The following CCAR2 variants were observed in gnomAD, a reference collection of about 807,000 sequenced individuals.
The protein encoded by CCAR2 is cell cycle and apoptosis regulator 2.
CCAR2 carries 21 observed loss-of-function variants against 108.1 expected under a neutral mutation model. That is an observed-to-expected ratio of 0.19 (90% confidence interval 0.14 to 0.28). The LOEUF is 0.28. Among genes scored for constraint, CCAR2 ranks in the 10% least tolerant of loss-of-function variants. The pLI is 1.00. For synonymous variants in CCAR2, 577 were observed against 472.8 expected (o/e 1.22, Z -2.86); for missense variants, 1,126 against 1,177.0 (o/e 0.96, Z 0.63).
At chr8:22,606,453 T>G in intron 3 of CCAR2, 154 bp from the exon 4 acceptor site, 1 of 662,554 alleles carries the variant, frequency 1.5e-6, no homozygotes, top group South Asian at 1.8e-5. Context: ...CCCCTAATGA[T>G]GGAGTATGCC....
Position 22,617,509 on chromosome 8 carries a change from G to C in CCAR2, c.1935G>C (p.Glu645Asp), listed in dbSNP as rs1801572600. 1.9e-6 allele frequency: 3 copies of C among 1,607,558 alleles called. No individual in the cohort carries two copies. Among genetic ancestry groups the C allele is most frequent in the Non-Finnish European group, 2.5e-6 (3 of 1,176,688 alleles). The change falls in exon 15 of 21, where the codon GAG becomes GAC. Residue 645 changes from glutamate to aspartate, a missense_variant. By Grantham distance (45) the Glu-to-Asp change is conservative. Coordinates refer to ENST00000308511, the MANE Select transcript of CCAR2 (RefSeq NM_001393997.1). Reference sequence around the variant, plus strand: ...GCGAGGCTTCTGAGGACCTGTGTGAGATGGCCCTGGACCCAGAACTGTTGC... The same window carrying C: ...GCGAGGCTTCTGAGGACCTGTGTGACATGGCCCTGGACCCAGAACTGTTGC... ...PRGEASEDLC[E>D]MALDPELLLL...
At chr8:22,605,654 C>A in intron 1 of CCAR2, 82 bp from the exon 2 acceptor site, 1 of 793,874 alleles carries the variant, frequency 1.3e-6, no homozygotes, top group South Asian at 1.6e-5. Context: ...CCGAAATATC[C>A]TTACTTAAGA....
chr8:22,605,818 A>C lies in CCAR2; in HGVS notation c.45A>C (p.Gly15=). 4 of 1,613,842 alleles carry C rather than the reference A, an allele frequency of 2.5e-6. No homozygotes were observed. Among genetic ancestry groups the C allele is most frequent in the Non-Finnish European group, 3.4e-6 (4 of 1,179,902 alleles). ...AGCGGATCAACCCGCTTCCAGGGGG[A>C]CGCAACTTCTCAGGTGATCACTGTT... The part of the protein sequence containing the change: ...KRQRINPLPG[G]RNFSGTASTS... Residue 15 remains glycine (G), a synonymous_variant, in exon 2 of 21, where the codon GGA becomes GGC. Coordinates refer to ENST00000308511, the MANE Select transcript of CCAR2 (RefSeq NM_001393997.1).
rs369201957 is a variant in CCAR2, at chr8:22,607,210, C to T, written c.372C>T (p.Ser124=). 1.2e-6 allele frequency: 2 copies of T among 1,613,870 alleles called. No homozygotes were observed. Among genetic ancestry groups the T allele is most frequent in the African/African-American group, 2.7e-5 (2 of 74,886 alleles). Residue 124 remains serine (S), a synonymous_variant, in exon 6 of 21, where the codon TCC becomes TCT. Transcript: ENST00000308511. ...CTGTTCTGCAGCCCCTACTGAAGTC[C>T]CCAGCACCTCCTCTTCTGCATGTAG... ...QTLSNQPLLK[S]PAPPLLHVAA...
At chr8:22,605,219 G>A (rs1801020260) in intron 1 of CCAR2, 2 of 183,246 alleles carry the variant, frequency 1.1e-5, no homozygotes, top group Non-Finnish European at 2.3e-5. Flanking sequence ...AACGGGTCGG[G>A]CTTCCGGGGA....
At chr8:22,606,299 A>T (rs1187578892) in intron 3 of CCAR2, 123 bp downstream of exon 3, 2 of 884,310 alleles carry the variant, frequency 2.3e-6, no homozygotes, top group African/African-American at 1.7e-5. Flanking sequence ...GTAGTGGGCT[A>T]GTATGGGGTT....
At chr8:22,614,759 A>G (rs1368090781) in intron 10 of CCAR2, 79 bp from the exon 11 acceptor site, 15 of 1,587,040 alleles carry the variant, frequency 9.5e-6, no homozygotes, top group Non-Finnish European at 1.3e-5. Context: ...CTTCATCCTG[A>G]TGGGTGGCAG....
At position 22,610,724 on chromosome 8, in the gene CCAR2, G is replaced by C. The variant is rs559642562; in HGVS notation, c.585-2293G>C. 4.0e-4 allele frequency among the ~76,000 whole-genome samples: 61 copies of C among 152,352 alleles called. No homozygotes were observed. In the Middle Eastern group the frequency reaches 0.017, roughly 42 times the overall value. Reference sequence around the variant, plus strand: ...CATCATGATAAATCTCTTCAGCTTAGTCACTGGGGTGTGAACAGGGAAATG... The same window carrying C: ...CATCATGATAAATCTCTTCAGCTTACTCACTGGGGTGTGAACAGGGAAATG... On this transcript the variant is annotated intron_variant, in intron 7 of 20. Coordinates refer to ENST00000308511, the MANE Select transcript of CCAR2 (RefSeq NM_001393997.1).
In CCAR2 at chr8:22,610,744, G is replaced by C. The variant is rs371108934; in HGVS notation, c.585-2273G>C. Among the ~76,000 whole-genome samples the C allele has an allele frequency of 4.6e-5, 7 of 152,324 alleles. No individual in the cohort carries two copies. The East Asian group carries it at 7.7e-4, about 17-fold the overall frequency. On this transcript the variant is annotated intron_variant, in intron 7 of 20. Coordinates refer to ENST00000308511, the MANE Select transcript of CCAR2 (RefSeq NM_001393997.1). ...GCTTAGTCACTGGGGTGTGAACAGG[G>C]AAATGACCCAGGCAGGTCTAAAAGG...
rs544227242 is a variant in CCAR2, at chr8:22,617,418, A to T, written c.1846-2A>T. 2.0e-6 allele frequency: 3 copies of T among 1,536,720 alleles called. No homozygotes were observed. The Admixed American group carries it at 6.5e-5, about 34-fold the overall frequency. On this transcript the variant is annotated splice_acceptor_variant, in intron 14 of 20. Transcript: ENST00000308511. LOFTEE classifies it high-confidence loss of function. ...CCTTATAACCTTTGTCTGCCTCTGT[A>T]GAAGGAGGATGGGCTTTTGCCCAAA... is the stretch of plus-strand genomic sequence containing the variant.
Position 22,620,037 on chromosome 8 carries a change from G to C in CCAR2, c.*355G>C, listed in dbSNP as rs200824128. On this transcript the variant is annotated 3_prime_UTR_variant, in exon 21 of 21. Transcript: ENST00000308511. ...AAGACAGGGGAGAAAAAGGCTTTTC[G>C]AGTGTGGGACAAGGTCTGATGTCAG... 1.4e-5 allele frequency: 4 copies of C among 284,902 alleles called. No homozygotes were observed. The highest frequency in any genetic ancestry group is 2.7e-5 in the Non-Finnish European group (4 of 145,974). 17.6% of individuals were successfully genotyped at this position (284,902 alleles called of 1,614,324 possible).
chr8:22,605,858 T>G, intron 2 of CCAR2, 27 bp downstream of exon 2: 3 of 1,607,846 alleles, frequency 1.9e-6, no homozygotes, highest in Non-Finnish European at 2.6e-6. Flanking sequence ...CTACCTGGCC[T>G]CATCCTGGGA....
rs371080726 is a variant in CCAR2 at position 22,618,747 on chromosome 8, C to T, written c.2332+19C>T. 8.1e-6 allele frequency: 13 copies of T among 1,613,522 alleles called. No individual in the cohort carries two copies. The highest frequency in any genetic ancestry group is 1.3e-5 in the African/African-American group (1 of 74,918). Reference sequence around the variant, plus strand: ...CTCTTCGGTATGTTCTGGGGCCCTGCAGCCTTCCTGGGGCACGGGCAGGGC... The same window carrying T: ...CTCTTCGGTATGTTCTGGGGCCCTGTAGCCTTCCTGGGGCACGGGCAGGGC... On this transcript the variant is annotated intron_variant, in intron 18 of 20. Coordinates refer to ENST00000308511, the MANE Select transcript of CCAR2 (RefSeq NM_001393997.1).
chr8:22,621,110 G>A (rs973959813), downstream of CCAR2: 8 of 310,444 alleles, frequency 2.6e-5, no homozygotes, highest in Non-Finnish European at 2.4e-5. Context: ...CTTAGCCAAC[G>A]AAGCCCATGG....
chr8:22,607,466 G>GTT, intron 6 of CCAR2, 141 bp downstream of exon 6: 8 of 777,654 alleles, frequency 1.0e-5, no homozygotes, highest in South Asian at 2.2e-5. Flanking sequence ...AGGTGTTTAG[G>GTT]GTTTTTTTTT....
intron 11 of CCAR2, 182 bp downstream of exon 11, chr8:22,615,183 T>G (rs1801451399): frequency 1.9e-5 from 18 of 931,064 alleles, no homozygotes; most frequent in Non-Finnish European, 2.8e-5. Context: ...GCCACCAGGC[T>G]GCACTTGAGA....
In CCAR2 at chr8:22,619,318, C is replaced by A. The variant is rs952798427; in HGVS notation, c.2690C>A (p.Thr897Asn). ...RLLQELRRRL[T>N]PLQLEIQRVV... ...CTGCAGGAGCTCCGCAGGCGTCTGACCCCCCTGCAGCTGGAGATCCAGCGG... is the reference window on the plus strand; with the variant it reads ...CTGCAGGAGCTCCGCAGGCGTCTGAACCCCCTGCAGCTGGAGATCCAGCGG... Residue 897 changes from threonine (T) to asparagine (N), a missense_variant, in exon 20 of 21, where the codon ACC becomes AAC. Physicochemically the swap from Thr to Asn is moderately conservative, Grantham distance 65. This residue lies in a region of CCAR2 where 1,013 missense variants were observed against 993.9 expected (regional missense o/e 1.02). Coordinates refer to ENST00000308511, the MANE Select transcript of CCAR2 (RefSeq NM_001393997.1). 1 of 1,563,590 alleles carries A rather than the reference C, an allele frequency of 6.4e-7. No homozygotes were observed. Among genetic ancestry groups the A allele is most frequent in the Non-Finnish European group, 8.7e-7 (1 of 1,154,822 alleles).
In CCAR2 at chr8:22,619,197, C is replaced by A; in HGVS notation, c.2569C>A (p.Leu857Met). Residue 857 changes from leucine to methionine, a missense_variant, in exon 20 of 21, where the codon CTG (leucine) becomes ATG (methionine). This residue lies in a region of CCAR2 where 1,013 missense variants were observed against 993.9 expected (regional missense o/e 1.02). Coordinates refer to ENST00000308511, the MANE Select transcript of CCAR2 (RefSeq NM_001393997.1). ...FSATEVTNKT[L>M]AAEMQELRVR... ...AGCCACTGAAGTAACCAATAAGACG[C>A]TGGCGGCAGAGATGCAGGAGCTGCG... 6.3e-7 allele frequency: 1 copy of A among 1,591,430 alleles called. No individual in the cohort carries two copies.
Position 22,613,094 on chromosome 8 carries a change from T to C in CCAR2, c.662T>C (p.Leu221Pro). Residue 221 changes from leucine (L) to proline (P), a missense_variant, in exon 8 of 21, where the codon CTG becomes CCG. This residue lies in a region of CCAR2 where 1,013 missense variants were observed against 993.9 expected (regional missense o/e 1.02). Coordinates refer to ENST00000308511, the MANE Select transcript of CCAR2 (RefSeq NM_001393997.1). ...PWGAKKPRHD[L>P]PPYRVHLTPY... ...GGTGCTAAGAAGCCAAGGCATGACCTGCCTCCTTACCGGGTCCACCTCACT... is the reference window on the plus strand; with the variant it reads ...GGTGCTAAGAAGCCAAGGCATGACCCGCCTCCTTACCGGGTCCACCTCACT... 6.2e-7 allele frequency: 1 copy of C among 1,612,862 alleles called. No homozygotes were observed. The highest frequency in any genetic ancestry group is 8.5e-7 in the Non-Finnish European group (1 of 1,179,690).
Sources: gnomAD v4.1 joint callset for allele counts (sites outside exome capture counted in the v4.1 genomes callset) on GRCh38, gnomAD v4.1.1 for gene constraint, gnomAD v4.1.1 regional missense constraint, MANE v1.5 for transcripts, NCBI Gene and HGNC (gene_info 2026-07-23, HGNC 2026-07-21) for gene names.